Variants in HEG1 observed in about 807,000 individuals in gnomAD.
HEG1 encodes heart development protein with EGF like domains 1, also known as protein HEG homolog 1.
Under a neutral mutation model 125.6 loss-of-function variants are expected in HEG1, and 56 were observed. That is an observed-to-expected ratio of 0.45 (90% CI 0.36 to 0.56). HEG1 has a LOEUF of 0.56. HEG1 is among the 20% of genes least tolerant of loss of function. HEG1 has a pLI of 0.00. For missense variants in HEG1, 1,523 were observed against 1,670.0 expected (o/e 0.91, Z 1.53); for synonymous variants, 644 against 668.5 (o/e 0.96, Z 0.57).
Position 124,969,837 on chromosome 3 carries a change from C to G in HEG1, c.*815G>C, listed in dbSNP as rs1474901575. 1 of 152,188 alleles carries G rather than the reference C, an allele frequency of 6.6e-6. No homozygotes were observed. Among genetic ancestry groups the G allele is most frequent in the Admixed American group, 6.5e-5 (1 of 15,274 alleles). 9.4% of individuals were successfully genotyped at this position (152,188 alleles called of 1,614,324 possible). ...GCTGGGCCCTCATGGATGAAAAGTGCCCCCCTGCCTGCAATCTGCCTGCTG... is the reference window on the plus strand; with the variant it reads ...GCTGGGCCCTCATGGATGAAAAGTGGCCCCCTGCCTGCAATCTGCCTGCTG... On this transcript the variant is annotated 3_prime_UTR_variant, in exon 17 of 17. Transcript: ENST00000311127.
intron 1 of HEG1, among the ~76,000 whole-genome samples, chr3:125,047,231 A>C (rs562279193): frequency 1.3e-5 from 2 of 152,388 alleles, no homozygotes; most frequent in Non-Finnish European, 2.9e-5. Context: ...CCTGGAAGGC[A>C]AGGTGCGATG....
intron 1 of HEG1, among the ~76,000 whole-genome samples, chr3:125,049,074 CT>C (rs1435150503): frequency 5.9e-5 from 9 of 152,266 alleles, no homozygotes; most frequent in Admixed American, 5.2e-4. Context: ...ACAGACAGGC[CT>C]TCCATGCCTA....
intron 11 of HEG1, among the ~76,000 whole-genome samples, chr3:125,000,989 G>A (rs1289770197): frequency 6.6e-6 from 1 of 152,224 alleles, no homozygotes; most frequent in African/African-American, 2.4e-5. Flanking sequence ...TGTCCTGGAG[G>A]TGAAACTTCT....
intron 14 of HEG1, among the ~76,000 whole-genome samples, chr3:124,980,299 T>A (rs534281923): frequency 7.9e-5 from 12 of 152,328 alleles, no homozygotes; most frequent in African/African-American, 2.9e-4. Flanking sequence ...GGCTCCCTTT[T>A]TTCCTAAAGA....
chr3:125,003,403 A>T (rs1277198860), intron 9 of HEG1, among the ~76,000 whole-genome samples: 1 of 152,232 alleles, frequency 6.6e-6, no homozygotes, highest in Non-Finnish European at 1.5e-5. Context: ...CAGCACGACC[A>T]ACAGGCAGCT....
At chr3:125,051,120 C>T (rs1937795687) in intron 1 of HEG1, among the ~76,000 whole-genome samples, 1 of 152,230 alleles carries the variant, frequency 6.6e-6, no homozygotes, top group Non-Finnish European at 1.5e-5. Context: ...CATCAATAAC[C>T]TATGGATTGG....
chr3:125,038,939 G>C (rs1445134613), intron 1 of HEG1, among the ~76,000 whole-genome samples: 1 of 152,208 alleles, frequency 6.6e-6, no homozygotes, highest in Non-Finnish European at 1.5e-5. Flanking sequence ...GGCTTAGTAG[G>C]CTGGTGCTGT....
intron 11 of HEG1, 91 bp downstream of exon 11, chr3:125,001,761 C>T: frequency 7.0e-7 from 1 of 1,431,608 alleles, no homozygotes; most frequent in South Asian, 1.3e-5. Flanking sequence ...GAGGGCCTTT[C>T]CTGGGCCTGA....
intron 3 of HEG1, among the ~76,000 whole-genome samples, chr3:125,023,257 A>G (rs1937362872): frequency 6.6e-6 from 1 of 152,098 alleles, no homozygotes; most frequent in Non-Finnish European, 1.5e-5. Context: ...TCCAGTGGTG[A>G]TACTGAATTC....
At chr3:125,042,593 C>T (rs535043060) in intron 1 of HEG1, among the ~76,000 whole-genome samples, 19 of 152,240 alleles carry the variant, frequency 1.2e-4, no homozygotes, top group South Asian at 2.1e-4. Context: ...GGTGTGAGAA[C>T]GGGCCCCCCA....
intron 8 of HEG1, among the ~76,000 whole-genome samples, chr3:125,007,907 G>T (rs1312820335): frequency 3.3e-5 from 5 of 151,748 alleles, no homozygotes; most frequent in African/African-American, 7.3e-5. Context: ...TAGAATAAAA[G>T]AAATTCTTTT....
intron 6 of HEG1, among the ~76,000 whole-genome samples, chr3:125,012,036 T>A (rs1250108541): frequency 6.6e-6 from 1 of 152,130 alleles, no homozygotes; most frequent in Non-Finnish European, 1.5e-5. Flanking sequence ...TCTTTTCATT[T>A]ACATGTCTCC....
rs1257866900 is a variant in HEG1, at chr3:124,966,420, G to A, written c.*4232C>T. The A allele has an allele frequency of 6.6e-6, 1 of 152,044 alleles. No homozygotes were observed. Among genetic ancestry groups the A allele is most frequent in the Non-Finnish European group, 1.5e-5 (1 of 68,026 alleles). The allele number at this position is 152,044 out of a possible 1,614,324, so 9.4% of individuals were successfully genotyped here. On this transcript the variant is annotated 3_prime_UTR_variant, in exon 17 of 17. Coordinates refer to ENST00000311127, the MANE Select transcript of HEG1 (RefSeq NM_020733.2). ...ATACTTTCATGTTCCTACTATTTTA[G>A]TCAGTTCTCTTCCTTGGAGATTTAA...
chr3:125,002,001 G>C lies in HEG1; in HGVS notation c.3368C>G (p.Ala1123Gly). 6.2e-7 allele frequency: 1 copy of C among 1,613,954 alleles called. No homozygotes were observed. The highest frequency in any genetic ancestry group is 8.5e-7 in the Non-Finnish European group (1 of 1,179,878). Reference protein sequence around the residue: ...STVHASRESNAVVISLQTTFS... With the variant: ...STVHASRESNGVVISLQTTFS... Reference sequence around the variant, plus strand: ...GGTTGTTTGCAGTGAGATCACCACCGCGTTGGACTCCCTATAGGCAAAGTT... The same window carrying C: ...GGTTGTTTGCAGTGAGATCACCACCCCGTTGGACTCCCTATAGGCAAAGTT... Residue 1123 changes from alanine to glycine, a missense_variant, in exon 11 of 17, where the codon GCG becomes GGG. Ala to Gly is a moderately conservative substitution (Grantham distance 60, BLOSUM62 0). Transcript: ENST00000311127.
chr3:124,995,854 C>T (rs1936913771), intron 12 of HEG1, among the ~76,000 whole-genome samples: 1 of 152,184 alleles, frequency 6.6e-6, no homozygotes, highest in Non-Finnish European at 1.5e-5. Flanking sequence ...TTAATGCTAG[C>T]CTGTAACTGA....
At chr3:125,019,797 A>C (rs1401380742) in intron 4 of HEG1, among the ~76,000 whole-genome samples, 200 bp from the exon 5 acceptor site, 1 of 152,244 alleles carries the variant, frequency 6.6e-6, no homozygotes, top group Admixed American at 6.5e-5. Context: ...ATACAAAAAA[A>C]TATAACTTGT....
intron 1 of HEG1, among the ~76,000 whole-genome samples, chr3:125,040,871 T>G (rs772600857): frequency 6.6e-5 from 10 of 152,010 alleles, no homozygotes; most frequent in Non-Finnish European, 1.3e-4. Context: ...AGAAAAAAAT[T>G]CCCATGCATT....
chr3:125,042,040 T>C (rs1171762969), intron 1 of HEG1, among the ~76,000 whole-genome samples: 1 of 152,246 alleles, frequency 6.6e-6, no homozygotes, highest in Non-Finnish European at 1.5e-5. Flanking sequence ...TGCAACAACA[T>C]TGTGATTGTA....
chr3:125,004,624 G>A (rs1937046138), intron 9 of HEG1, among the ~76,000 whole-genome samples: 1 of 151,878 alleles, frequency 6.6e-6, no homozygotes, highest in African/African-American at 2.4e-5. Context: ...TGAGTAGCTG[G>A]GACCACACGT....
Sources: gnomAD v4.1 joint callset for allele counts (sites outside exome capture counted in the v4.1 genomes callset) on GRCh38, gnomAD v4.1.1 for gene constraint, MANE v1.5 for transcripts, NCBI Gene and HGNC (gene_info 2026-07-23, HGNC 2026-07-21) for gene names.